DCTN4: variants seen among roughly 807,000 people sequenced by gnomAD.
The protein encoded by DCTN4 is dynactin subunit 4.
Under a neutral mutation model 62.7 loss-of-function variants are expected in DCTN4, and 23 were observed. The observed-to-expected ratio is 0.37, with a 90% CI of 0.26 to 0.52. DCTN4 has a LOEUF of 0.52. Among genes scored for constraint, DCTN4 ranks in the 20% least tolerant of loss-of-function variants. The pLI, the probability that DCTN4 is intolerant of heterozygous loss-of-function variation, is 0.92. For synonymous variants in DCTN4, 199 were observed against 202.1 expected, an observed-to-expected ratio of 0.98 and a Z score of 0.13; for missense variants, 514 against 580.4, an observed-to-expected ratio of 0.89 and a Z score of 1.18.
intron 9 of DCTN4, among the ~76,000 whole-genome samples, chr5:150,720,669 G>C (rs905955189): frequency 2.0e-5 from 3 of 152,000 alleles, no homozygotes; most frequent in African/African-American, 7.3e-5. Flanking sequence ...GTACAGATGA[G>C]GACTCACTGT....
chr5:150,721,158 G>A (rs771615577), intron 9 of DCTN4, among the ~76,000 whole-genome samples: 1 of 152,132 alleles, frequency 6.6e-6, no homozygotes, highest in African/African-American at 2.4e-5. Context: ...GGCCCTCCTA[G>A]CTCCTCCTAA....
intron 5 of DCTN4, among the ~76,000 whole-genome samples, chr5:150,732,318 T>A (rs1332667198): frequency 3.3e-5 from 5 of 152,166 alleles, no homozygotes; most frequent in Non-Finnish European, 5.9e-5. Context: ...CCCAGCTAAT[T>A]TTTTGTATTT....
rs74402006 is a variant in DCTN4, at chr5:150,756,261, T to C, written c.206+156A>G. On this transcript the variant is annotated intron_variant, in intron 2 of 12. Transcript: ENST00000447998. ...TTTCGCCATGTTAGCCAGGATGGTA[T>C]CAACCTCTTGACCTCGTGATCCCTG... 4.7e-4 allele frequency among the ~76,000 whole-genome samples: 72 copies of C among 152,186 alleles called. No homozygotes were observed. The East Asian group carries it at 6.2e-3, about 13-fold the overall frequency.
At chr5:150,758,320 T>A in intron 1 of DCTN4, 2 of 986,214 alleles carry the variant, frequency 2.0e-6, no homozygotes, top group South Asian at 9.3e-5. Flanking sequence ...CATACTGTAT[T>A]CTGAGCGCTT....
At chr5:150,735,367 A>C (rs2113075239) in intron 4 of DCTN4, among the ~76,000 whole-genome samples, 1 of 152,328 alleles carries the variant, frequency 6.6e-6, no homozygotes, top group African/African-American at 2.4e-5. Context: ...ATTAAAGAAA[A>C]CTAGCATACG....
chr5:150,710,947 G>T lies in DCTN4; in HGVS notation c.*202C>A. 1.7e-6 allele frequency: 1 copy of T among 583,014 alleles called. No homozygotes were observed. The highest frequency in any genetic ancestry group is 3.1e-6 in the Non-Finnish European group (1 of 326,686). 36.1% of individuals were successfully genotyped at this position (583,014 alleles called of 1,614,324 possible). A position where few individuals can be genotyped will look rare whatever the true frequency, so the allele number is the denominator to read the frequency against. On this transcript the variant is annotated 3_prime_UTR_variant, in exon 13 of 13. Coordinates refer to ENST00000447998, the MANE Select transcript of DCTN4 (RefSeq NM_016221.4). ...GTGAGGGAGACACAGACTTACTGGTGTCAACAGGGGTGAGAGCAAGAGCAA... is the reference window on the plus strand; with the variant it reads ...GTGAGGGAGACACAGACTTACTGGTTTCAACAGGGGTGAGAGCAAGAGCAA...
chr5:150,745,836 C>T (rs1274716033), intron 3 of DCTN4, among the ~76,000 whole-genome samples: 1 of 151,594 alleles, frequency 6.6e-6, no homozygotes, highest in Non-Finnish European at 1.5e-5. Context: ...ACAAGAGAAA[C>T]CAGGAAAGAT....
chr5:150,754,676 T>C (rs547820217), intron 2 of DCTN4, among the ~76,000 whole-genome samples: 1 of 152,262 alleles, frequency 6.6e-6, no homozygotes, highest in Non-Finnish European at 1.5e-5. Flanking sequence ...ACAGAAAATA[T>C]ACAAGATGAG....
At chr5:150,731,622 C>CT (rs1312779875) in intron 5 of DCTN4, 133 bp from the exon 6 acceptor site, 1 of 714,566 alleles carries the variant, frequency 1.4e-6, no homozygotes, top group Non-Finnish European at 2.3e-6. Flanking sequence ...CTAAAGGCTT[C>CT]TTTTAAAGAA....
At chr5:150,712,253 C>G (rs916315519) in intron 12 of DCTN4, among the ~76,000 whole-genome samples, 5 of 152,094 alleles carry the variant, frequency 3.3e-5, no homozygotes, top group African/African-American at 7.2e-5. Flanking sequence ...CCTCGGCCTC[C>G]TGAGTAGCTG....
At chr5:150,727,887 T>TA (rs1302817206) in intron 8 of DCTN4, among the ~76,000 whole-genome samples, 1 of 152,054 alleles carries the variant, frequency 6.6e-6, no homozygotes, top group African/African-American at 2.4e-5. Context: ...TAAAGCATTT[T>TA]AAAATATTGA....
chr5:150,731,179 C>T lies in DCTN4; in HGVS notation c.612-23G>A, dbSNP rs775839716. The T allele has an allele frequency of 4.1e-6, 6 of 1,474,006 alleles. No individual in the cohort carries two copies. In the East Asian group the frequency reaches 6.8e-5, roughly 17 times the overall value. The allele number at this position is 1,474,006 out of a possible 1,614,324, so 91.3% of individuals were successfully genotyped here. On this transcript the variant is annotated intron_variant, in intron 6 of 12. Transcript: ENST00000447998. ...AGGCTGAAAAATTAAAAAAACAAAA[C>T]AAAACAAAACAAAAGAGTAATTTCT...
intron 3 of DCTN4, 122 bp downstream of exon 3, chr5:150,753,357 T>C: frequency 1.3e-6 from 1 of 789,744 alleles, no homozygotes; most frequent in Non-Finnish European, 2.0e-6. Context: ...ACAGAAGAGT[T>C]AATGACAAAA....
intron 2 of DCTN4, among the ~76,000 whole-genome samples, chr5:150,753,937 T>C (rs951101501): frequency 1.3e-5 from 2 of 152,256 alleles, no homozygotes; most frequent in Non-Finnish European, 2.9e-5. Context: ...TTTATGCTTA[T>C]ATTGATCACA....
rs577632670 is a variant in DCTN4, at chr5:150,710,082, G to A, written c.*1067C>T. ...TTATTTGACTCACCACATGACAAAAGTCTTAAACTTAGTAAGGGGGAAAGT... is the reference window on the plus strand; with the variant it reads ...TTATTTGACTCACCACATGACAAAAATCTTAAACTTAGTAAGGGGGAAAGT... On this transcript the variant is annotated 3_prime_UTR_variant, in exon 13 of 13. Coordinates refer to ENST00000447998, the MANE Select transcript of DCTN4 (RefSeq NM_016221.4). The A allele has an allele frequency of 2.6e-5, 4 of 152,322 alleles. No individual in the cohort carries two copies. The highest frequency in any genetic ancestry group is 4.1e-4 in the South Asian group (2 of 4,832). The allele number at this position is 152,322 out of a possible 1,614,324, so 9.4% of individuals were successfully genotyped here. A position where few individuals can be genotyped will look rare whatever the true frequency, so the allele number is the denominator to read the frequency against.
In DCTN4 at chr5:150,756,505, AG is replaced by A. The variant is rs1561714083; in HGVS notation, c.136-19del. ...GAGTCCACCTAGGAGGAAACAAGAA[AG>A]AAAAAAAAAACCAGAGGAGAACTCA... On this transcript the variant is annotated intron_variant, in intron 1 of 12. Transcript: ENST00000447998. 1 of 1,542,478 alleles carries A rather than the reference AG, an allele frequency of 6.5e-7. No individual in the cohort carries two copies. The highest frequency in any genetic ancestry group is 2.0e-5 in the Admixed American group (1 of 49,810).
chr5:150,714,832 T>C (rs1414067141), intron 12 of DCTN4, among the ~76,000 whole-genome samples: 2 of 152,140 alleles, frequency 1.3e-5, no homozygotes, highest in Non-Finnish European at 2.9e-5. Flanking sequence ...TTCAGCTACA[T>C]GGAGCTCTTT....
intron 9 of DCTN4, among the ~76,000 whole-genome samples, chr5:150,720,747 G>A (rs77516217): frequency 1.1e-4 from 17 of 152,152 alleles, no homozygotes; most frequent in Non-Finnish European, 1.8e-4. Context: ...CCCAAATGTT[G>A]AGATTACAGG....
chr5:150,741,164 C>CAAAAAAAAAAAAA (rs754641920), intron 4 of DCTN4, among the ~76,000 whole-genome samples: 11 of 58,354 alleles, frequency 1.9e-4, no homozygotes, highest in South Asian at 1.2e-3. Flanking sequence ...GATCCTGTCT[C>CAAAAAAAAAAAAA]AAAAAAAAAA....
Sources: gnomAD v4.1 joint callset for allele counts (sites outside exome capture counted in the v4.1 genomes callset) on GRCh38, gnomAD v4.1.1 for gene constraint, MANE v1.5 for transcripts, NCBI Gene and HGNC (gene_info 2026-07-23, HGNC 2026-07-21) for gene names.